The following AHI1 variants were observed in gnomAD, a reference collection of about 807,000 sequenced individuals.
AHI1 encodes the protein Abelson helper integration site 1, also known as jouberin.
A neutral mutation model predicts 149.3 loss-of-function variants in AHI1; 123 were observed. That is an observed-to-expected ratio of 0.82 (90% CI 0.71 to 0.96). The LOEUF is 0.96. Among genes scored for constraint, AHI1 ranks in the 40% least tolerant of loss-of-function variants. AHI1 has a pLI of 0.00. For missense variants in AHI1, 1,439 were observed against 1,422.7 expected (o/e 1.01, Z -0.18); for synonymous variants, 475 against 459.8 (o/e 1.03, Z -0.42).
At chr6:135,365,183 C>G (rs147284863) in intron 23 of AHI1, among the ~76,000 whole-genome samples, 90 of 152,256 alleles carry the variant, frequency 5.9e-4, no homozygotes, top group African/African-American at 1.9e-3. Flanking sequence ...GGTCTAAGAT[C>G]AGTACTATGC....
intron 5 of AHI1, among the ~76,000 whole-genome samples, chr6:135,478,414 A>C (rs1025513065): frequency 1.3e-5 from 2 of 152,202 alleles, no homozygotes; most frequent in Non-Finnish European, 2.9e-5. Flanking sequence ...ACTTTAGCAG[A>C]GACTGGCGGC....
At chr6:135,473,093 AG>A (rs1231277486) in intron 5 of AHI1, among the ~76,000 whole-genome samples, 1 of 152,158 alleles carries the variant, frequency 6.6e-6, no homozygotes, top group African/African-American at 2.4e-5. Flanking sequence ...CTACAGTTTT[AG>A]CTCTTAAATA....
At chr6:135,364,761 G>A (rs532660920) in intron 23 of AHI1, among the ~76,000 whole-genome samples, 93 of 152,374 alleles carry the variant, frequency 6.1e-4, no homozygotes, top group African/African-American at 1.9e-3. Flanking sequence ...GCGTGGCGGC[G>A]CACGCCTGCA....
intron 22 of AHI1, among the ~76,000 whole-genome samples, chr6:135,395,860 AT>A (rs3840170): frequency 1.3e-5 from 2 of 151,342 alleles, no homozygotes; most frequent in African/African-American, 2.4e-5. Flanking sequence ...CCCCTTTCCC[AT>A]TTTTTTGTTA....
rs762016205 is a variant in AHI1, at chr6:135,492,898, C to T, written c.-54-607G>A. The T allele has an allele frequency of 1.3e-4, 131 of 983,588 alleles. No individual in the cohort carries two copies. The East Asian group carries it at 1.4e-3, about 10-fold the overall frequency. The allele number at this position is 983,588 out of a possible 1,614,324, so 60.9% of individuals were successfully genotyped here. ...AAATTGCCCATTTTATTAAAAAAATCGGTGTATGTCTAAAATGAACATATT... is the reference window on the plus strand; with the variant it reads ...AAATTGCCCATTTTATTAAAAAAATTGGTGTATGTCTAAAATGAACATATT... On this transcript the variant is annotated intron_variant, in intron 3 of 28. Coordinates refer to ENST00000265602, the MANE Select transcript of AHI1 (RefSeq NM_001134831.2).
At chr6:135,307,592 A>G (rs1419233367) in intron 26 of AHI1, among the ~76,000 whole-genome samples, 1 of 151,988 alleles carries the variant, frequency 6.6e-6, no homozygotes, top group East Asian at 1.9e-4. Flanking sequence ...CAGTTAATGG[A>G]ATAATGTAAG....
intron 20 of AHI1, among the ~76,000 whole-genome samples, chr6:135,413,791 A>G (rs1221102803): frequency 6.6e-6 from 1 of 152,080 alleles, no homozygotes; most frequent in Non-Finnish European, 1.5e-5. Context: ...TACTTTGGGG[A>G]AAAAAAGGAG....
At chr6:135,444,127 G>A (rs1786772499) in intron 13 of AHI1, among the ~76,000 whole-genome samples, 1 of 152,108 alleles carries the variant, frequency 6.6e-6, no homozygotes, top group Admixed American at 6.5e-5. Context: ...TTACTACCTT[G>A]TCAGTCACTA....
chr6:135,313,848 T>C (rs192425109), intron 26 of AHI1, among the ~76,000 whole-genome samples: 1 of 152,200 alleles, frequency 6.6e-6, no homozygotes, highest in Non-Finnish European at 1.5e-5. Context: ...CAATGTTAAC[T>C]CAAGGGTAAT....
intron 23 of AHI1, among the ~76,000 whole-genome samples, chr6:135,360,990 T>TGCTATCTTATTGCATTTC (rs1793773467): frequency 6.6e-6 from 1 of 152,252 alleles, no homozygotes; most frequent in Admixed American, 6.5e-5. Flanking sequence ...TTTAGCATTT[T>TGCTATCTTATTGCATTTC]GCTATCTTAT....
rs564913486 is a variant in AHI1, at chr6:135,396,973, A to G, written c.2989-2077T>C. ...TACTTAAATGCCTCTGTTCAAACAG[A>G]AAGACTTGTCATTCTTTTACAACAA... On this transcript the variant is annotated intron_variant, in intron 22 of 28. Coordinates refer to ENST00000265602, the MANE Select transcript of AHI1 (RefSeq NM_001134831.2). 3.6e-3 allele frequency among the ~76,000 whole-genome samples: 549 copies of G among 152,004 alleles called. 3 individuals carry two copies. The highest frequency in any genetic ancestry group is 6.5e-3 in the Non-Finnish European group (442 of 67,788).
chr6:135,438,243 G>T, intron 15 of AHI1, 132 bp downstream of exon 15: 1 of 779,000 alleles, frequency 1.3e-6, no homozygotes, highest in Non-Finnish European at 1.8e-6. Context: ...CAGTCTGCAT[G>T]ATGCATATTT....
Position 135,453,557 on chromosome 6 carries a change from A to C in AHI1, c.1345-121T>G, listed in dbSNP as rs375076359. The stretch of plus-strand genomic sequence containing the variant: ...AAAAACATTAACCTTTACAGGGAAT[A>C]AAAACATTTTTATCTCATTTCATTC... On this transcript the variant is annotated intron_variant, in intron 10 of 28. Transcript: ENST00000265602. The C allele has an allele frequency of 1.6e-4, 116 of 723,248 alleles. No individual in the cohort carries two copies. In the African/African-American group the frequency reaches 1.8e-3, roughly 11 times the overall value. 44.8% of individuals were successfully genotyped at this position (723,248 alleles called of 1,614,324 possible).
At chr6:135,436,129 G>C (rs1785364911) in intron 15 of AHI1, among the ~76,000 whole-genome samples, 1 of 152,166 alleles carries the variant, frequency 6.6e-6, no homozygotes, top group South Asian at 2.1e-4. Flanking sequence ...TAGCATATCA[G>C]CAAGAGTCAA....
At chr6:135,470,179 AAAG>A (rs1309262696) in intron 5 of AHI1, among the ~76,000 whole-genome samples, 1 of 152,234 alleles carries the variant, frequency 6.6e-6, no homozygotes, top group African/African-American at 2.4e-5. Context: ...ACACTTCTTA[AAAG>A]AAGACATTTA....
chr6:135,414,675 T>G (rs956872719), intron 20 of AHI1, among the ~76,000 whole-genome samples: 9 of 151,856 alleles, frequency 5.9e-5, no homozygotes, highest in Non-Finnish European at 1.2e-4. Flanking sequence ...CAAATAAGCA[T>G]GCAAAAAAAG....
chr6:135,319,147 T>C (rs1362898504), intron 25 of AHI1, among the ~76,000 whole-genome samples: 2 of 152,248 alleles, frequency 1.3e-5, no homozygotes, highest in Non-Finnish European at 1.5e-5. Context: ...TGTATCAGAC[T>C]CTGAAGACTA....
intron 14 of AHI1, among the ~76,000 whole-genome samples, chr6:135,442,199 A>T (rs980457569): frequency 4.6e-5 from 7 of 152,168 alleles, no homozygotes; most frequent in Admixed American, 2.0e-4. Flanking sequence ...TCCACTACAC[A>T]GCAAATCTGG....
intron 24 of AHI1, among the ~76,000 whole-genome samples, chr6:135,357,764 T>C (rs1246313788): frequency 6.6e-6 from 1 of 152,198 alleles, no homozygotes; most frequent in Non-Finnish European, 1.5e-5. Context: ...TAAATGCCTT[T>C]TGTTGAGAAG....
Sources: allele counts gnomAD v4.1 joint callset (sites outside exome capture counted in the v4.1 genomes callset), GRCh38; gene constraint gnomAD v4.1.1; transcripts MANE v1.5; gene names NCBI Gene and HGNC (gene_info 2026-07-23, HGNC 2026-07-21).